Variants in SBF2 observed in about 807,000 individuals in gnomAD.
The protein encoded by SBF2 is SET binding factor 2, also known as myotubularin-related protein 13.
In SBF2, 112 loss-of-function variants were observed where a neutral mutation model predicts 225.2. The ratio of observed to expected loss-of-function variants is 0.50; its 90% confidence interval spans 0.43 to 0.58. SBF2 has a LOEUF of 0.58. Ranked by LOEUF, SBF2 falls within the 20% of genes least tolerant of loss-of-function variation. SBF2 has a pLI of 0.00. For missense variants in SBF2, 1,996 were observed against 2,206.2 expected, an observed-to-expected ratio of 0.90 and a Z score of 1.91; for synonymous variants, 763 against 773.3, an observed-to-expected ratio of 0.99 and a Z score of 0.22.
At chr11:10,284,444 T>C (rs1042329360) in intron 1 of SBF2, among the ~76,000 whole-genome samples, 3 of 152,202 alleles carry the variant, frequency 2.0e-5, no homozygotes, top group Non-Finnish European at 4.4e-5. Context: ...TTTTCCCCCA[T>C]ATTTTCAACA....
At chr11:10,073,690 A>C (rs148964426) in intron 2 of SBF2, among the ~76,000 whole-genome samples, 43 of 152,230 alleles carry the variant, frequency 2.8e-4, no homozygotes, top group Middle Eastern at 3.4e-3. Context: ...GCACTACTGC[A>C]CTCTAGCCTG....
chr11:9,812,559 C>G lies in SBF2; in HGVS notation c.4128G>C (p.Ala1376=). ...GTGGGAACCACTCAGAATCTCCCAG[C>G]GCTTTCAGGAAGGTCACTTCTGAGT... The part of the protein sequence containing the change: ...PTDSEVTFLK[A]LGDSEWFPQL... The change falls in exon 30 of 40, where the codon GCG becomes GCC. Residue 1376 remains alanine (A), a synonymous_variant. Transcript: ENST00000256190. The G allele has an allele frequency of 6.2e-7, 1 of 1,614,194 alleles. No homozygotes were observed. Among genetic ancestry groups the G allele is most frequent in the Non-Finnish European group, 8.5e-7 (1 of 1,180,040 alleles).
intron 16 of SBF2, chr11:9,929,046 T>C (rs1237044321): frequency 4.5e-6 from 2 of 444,734 alleles, no homozygotes; most frequent in East Asian, 1.4e-4. Context: ...GTTCAAGAAG[T>C]TTTGCAAAGG....
intron 2 of SBF2, among the ~76,000 whole-genome samples, chr11:10,052,289 A>T (rs748566633): frequency 2.0e-5 from 3 of 152,144 alleles, no homozygotes; most frequent in Non-Finnish European, 4.4e-5. Flanking sequence ...ATGGCAAAAC[A>T]TACCACATAA....
upstream of SBF2, among the ~76,000 whole-genome samples, chr11:10,294,856 C>T (rs1964434314): frequency 6.6e-6 from 1 of 152,226 alleles, no homozygotes; most frequent in South Asian, 2.1e-4. Flanking sequence ...GGGCTGGCCT[C>T]TCCCTGGGGA....
intron 1 of SBF2, among the ~76,000 whole-genome samples, chr11:10,242,795 A>G (rs1959354563): frequency 6.6e-6 from 1 of 152,202 alleles, no homozygotes; most frequent in Admixed American, 6.5e-5. Flanking sequence ...CAGGAAAATA[A>G]AACAATTATA....
At chr11:9,876,819 A>C (rs748450658) in intron 17 of SBF2, among the ~76,000 whole-genome samples, 1 of 152,112 alleles carries the variant, frequency 6.6e-6, no homozygotes, top group Non-Finnish European at 1.5e-5. Context: ...GGCTCACTGC[A>C]ACCTCTGCCT....
At chr11:10,072,653 T>C (rs1196737993) in intron 2 of SBF2, among the ~76,000 whole-genome samples, 1 of 151,796 alleles carries the variant, frequency 6.6e-6, no homozygotes, top group Non-Finnish European at 1.5e-5. Context: ...AGGAATGCTA[T>C]CATTTGGGGC....
chr11:9,998,977 T>TA (rs1185723985), intron 8 of SBF2, among the ~76,000 whole-genome samples: 3 of 152,178 alleles, frequency 2.0e-5, no homozygotes, highest in East Asian at 1.9e-4. Flanking sequence ...AGTAATATTC[T>TA]AAAAAAATTA....
chr11:9,961,274 TTGTC>T (rs1282091580), intron 16 of SBF2: 4 of 152,358 alleles, frequency 2.6e-5, no homozygotes, highest in African/African-American at 7.2e-5. Flanking sequence ...TTTATTTACT[TTGTC>T]TGGAGTCCCA....
intron 25 of SBF2, among the ~76,000 whole-genome samples, chr11:9,840,182 T>C (rs1277941984): frequency 1.3e-5 from 2 of 150,162 alleles, no homozygotes; most frequent in Non-Finnish European, 3.0e-5. Flanking sequence ...TGCAGTGAGC[T>C]GAGACCGTGC....
chr11:10,229,050 AG>A (rs764707303), intron 1 of SBF2, among the ~76,000 whole-genome samples: 17 of 151,524 alleles, frequency 1.1e-4, no homozygotes, highest in Non-Finnish European at 1.9e-4. Context: ...TAGTCTTGGG[AG>A]GGTGTGTCGA....
chr11:9,869,189 G>A (rs947454765), intron 17 of SBF2, among the ~76,000 whole-genome samples: 12 of 152,184 alleles, frequency 7.9e-5, no homozygotes, highest in African/African-American at 2.9e-4. Context: ...AATTAGTTTG[G>A]TTTTTAAAAA....
chr11:10,074,033 A>T (rs1490116859), intron 2 of SBF2, among the ~76,000 whole-genome samples: 1 of 152,200 alleles, frequency 6.6e-6, no homozygotes, highest in African/African-American at 2.4e-5. Context: ...GGTGAAAATA[A>T]ATGGATGTAG....
At chr11:10,265,045 T>C (rs909748193) in intron 1 of SBF2, among the ~76,000 whole-genome samples, 3 of 152,188 alleles carry the variant, frequency 2.0e-5, no homozygotes, top group Non-Finnish European at 2.9e-5. Flanking sequence ...TAAACATACG[T>C]GTGCATGTGT....
upstream of SBF2, among the ~76,000 whole-genome samples, chr11:10,298,640 G>C (rs1964569505): frequency 2.0e-5 from 3 of 152,206 alleles, no homozygotes; most frequent in African/African-American, 7.2e-5. Context: ...TAACAAAGGA[G>C]ACTATGCAGC....
At chr11:10,285,394 G>GA (rs57250673) in intron 1 of SBF2, among the ~76,000 whole-genome samples, 4,827 of 143,936 alleles carry the variant, frequency 0.034, 230 homozygotes, top group African/African-American at 0.1. Context: ...TCTAGAATTA[G>GA]AAAAAAAAAA....
At chr11:10,179,201 G>C (rs1041257113) in intron 2 of SBF2, among the ~76,000 whole-genome samples, 1 of 151,364 alleles carries the variant, frequency 6.6e-6, no homozygotes. Context: ...TTGTATGGTG[G>C]GGGGAGGCGG....
chr11:9,929,966 G>T (rs1275255647), intron 16 of SBF2, among the ~76,000 whole-genome samples: 1 of 151,688 alleles, frequency 6.6e-6, no homozygotes, highest in Admixed American at 6.6e-5. Flanking sequence ...ACAGGTAGGG[G>T]AACAATACTT....
Sources: allele counts gnomAD v4.1 joint callset (sites outside exome capture counted in the v4.1 genomes callset), GRCh38; gene constraint gnomAD v4.1.1; transcripts MANE v1.5; gene names NCBI Gene and HGNC (gene_info 2026-07-23, HGNC 2026-07-21).